Variants in PRKD1 observed in about 807,000 individuals in gnomAD.
The protein encoded by PRKD1 is serine/threonine-protein kinase D1.
PRKD1 carries 63 observed loss-of-function variants against 95.9 expected under a neutral mutation model. That is an observed-to-expected ratio of 0.66 (90% CI 0.54 to 0.81). PRKD1 has a LOEUF of 0.81. PRKD1 is among the 30% of genes least tolerant of loss of function. The probability of loss-of-function intolerance (pLI) is 0.00; values close to 1 mark genes in which losing one functional copy is unlikely to be tolerated. For synonymous variants in PRKD1, 425 were observed against 423.1 expected, an observed-to-expected ratio of 1.00 and a Z score of -0.05; for missense variants, 1,048 against 1,165.3, an observed-to-expected ratio of 0.90 and a Z score of 1.47.
chr14:29,598,067 G>C (rs1364201826), intron 15 of PRKD1, among the ~76,000 whole-genome samples: 1 of 150,904 alleles, frequency 6.6e-6, no homozygotes, highest in African/African-American at 2.5e-5. Context: ...CTTGAGGACA[G>C]GAGTTCAAGA....
chr14:29,719,827 T>A (rs1219402737), intron 2 of PRKD1, among the ~76,000 whole-genome samples: 1 of 152,184 alleles, frequency 6.6e-6, no homozygotes, highest in East Asian at 1.9e-4. Context: ...AGACAATTTG[T>A]TCCATGGTCA....
At chr14:29,593,447 T>C (rs1893198122) in intron 16 of PRKD1, among the ~76,000 whole-genome samples, 1 of 152,174 alleles carries the variant, frequency 6.6e-6, no homozygotes, top group Non-Finnish European at 1.5e-5. Flanking sequence ...TCATCATCCA[T>C]ATGGCCAGTC....
intron 4 of PRKD1, among the ~76,000 whole-genome samples, chr14:29,663,115 A>G (rs1882277927): frequency 7.0e-6 from 1 of 143,742 alleles, no homozygotes; most frequent in Non-Finnish European, 1.5e-5. Context: ...ATATATAAAA[A>G]TATATATCTT....
chr14:29,687,189 C>T (rs1883932189), intron 2 of PRKD1, among the ~76,000 whole-genome samples: 1 of 151,964 alleles, frequency 6.6e-6, no homozygotes. Context: ...TATTTGAAAA[C>T]ACTCTCTAAT....
chr14:29,698,961 C>T (rs145132789), intron 2 of PRKD1, among the ~76,000 whole-genome samples: 9 of 152,138 alleles, frequency 5.9e-5, no homozygotes, highest in South Asian at 2.1e-4. Flanking sequence ...TGCGATCCAC[C>T]GAATACAGTC....
chr14:29,684,818 T>A lies in PRKD1; in HGVS notation c.404-18610A>T, dbSNP rs533998160. ...ATATACTTGGCTTCTCCTGCAGTTATCACATCCCTGAGACTGTTAGCAAAT... is the reference window on the plus strand; with the variant it reads ...ATATACTTGGCTTCTCCTGCAGTTAACACATCCCTGAGACTGTTAGCAAAT... On this transcript the variant is annotated intron_variant, in intron 2 of 17. Transcript: ENST00000331968. Among the ~76,000 whole-genome samples, 10 of 152,330 alleles carry A rather than the reference T, an allele frequency of 6.6e-5. No individual in the cohort carries two copies. The East Asian group carries it at 1.9e-3, about 29-fold the overall frequency.
In PRKD1 at chr14:29,597,730, C is replaced by T. The variant is rs749621467; in HGVS notation, c.2195G>A (p.Arg732Gln). The change falls in exon 16 of 18, where the codon CGG (arginine) becomes CAG (glutamine). Residue 732 changes from arginine (R) to glutamine (Q), a missense_variant. Transcript: ENST00000331968. ...CCGGAAAGACTTCTCTCCAATGATC[C>T]GGGCAAAACCAAAATCACAAAGTTT... is the stretch of plus-strand genomic sequence containing the variant. ...QVKLCDFGFA[R>Q]IIGEKSFRRS... 8.1e-6 allele frequency: 13 copies of T among 1,611,658 alleles called. No homozygotes were observed. Among genetic ancestry groups the T allele is most frequent in the East Asian group, 2.2e-5 (1 of 44,850 alleles).
Position 29,638,485 on chromosome 14 carries a change from C to G in PRKD1, c.985+4G>C. 1 of 1,613,728 alleles carries G rather than the reference C, an allele frequency of 6.2e-7. No individual in the cohort carries two copies. The highest frequency in any genetic ancestry group is 8.5e-7 in the Non-Finnish European group (1 of 1,179,646). ...ACAGACATGACAGCTGATCTTTTAC[C>G]TACCTCCATTAATGGTCACTTCGCC... On this transcript the variant is annotated splice_donor_region_variant and intron_variant, in intron 6 of 17. Coordinates refer to ENST00000331968, the MANE Select transcript of PRKD1 (RefSeq NM_002742.3).
intron 1 of PRKD1, among the ~76,000 whole-genome samples, chr14:29,868,010 T>C (rs929760997): frequency 1.4e-4 from 21 of 152,186 alleles, no homozygotes; most frequent in Non-Finnish European, 2.4e-4. Flanking sequence ...TTTATAGGCT[T>C]TCCATATTCC....
At chr14:29,894,261 C>T (rs1894040945) in intron 1 of PRKD1, among the ~76,000 whole-genome samples, 1 of 152,150 alleles carries the variant, frequency 6.6e-6, no homozygotes, top group Non-Finnish European at 1.5e-5. Flanking sequence ...AGGCAACTGT[C>T]AAAGCCAGGG....
At chr14:29,904,516 A>G (rs1894428789) in intron 1 of PRKD1, among the ~76,000 whole-genome samples, 1 of 152,234 alleles carries the variant, frequency 6.6e-6, no homozygotes, top group Admixed American at 6.5e-5. Context: ...GACCCTTAGA[A>G]GAGTGTCTGG....
At chr14:29,801,761 T>C (rs758559086) in intron 1 of PRKD1, among the ~76,000 whole-genome samples, 4 of 152,138 alleles carry the variant, frequency 2.6e-5, no homozygotes, top group African/African-American at 7.2e-5. Context: ...CAATCTCGGC[T>C]CATCGCAACC....
rs1198657627 is a variant in PRKD1 at position 29,927,659 on chromosome 14, G to C, written c.-147C>G. 1 of 438,208 alleles carries C rather than the reference G, an allele frequency of 2.3e-6. No individual in the cohort carries two copies. Among genetic ancestry groups the C allele is most frequent in the East Asian group, 1.0e-4 (1 of 9,990 alleles). 27.1% of individuals were successfully genotyped at this position (438,208 alleles called of 1,614,324 possible). On this transcript the variant is annotated 5_prime_UTR_variant, in exon 1 of 18. Coordinates refer to ENST00000331968, the MANE Select transcript of PRKD1 (RefSeq NM_002742.3). Reference sequence around the variant, plus strand: ...CTTTCCGGAAAAGTCCCTGGGCTGGGGGAGGGCAAGGGGATGAGGATCGGG... The same window carrying C: ...CTTTCCGGAAAAGTCCCTGGGCTGGCGGAGGGCAAGGGGATGAGGATCGGG...
intron 2 of PRKD1, among the ~76,000 whole-genome samples, chr14:29,718,626 T>G (rs955458966): frequency 3.9e-5 from 6 of 152,158 alleles, no homozygotes; most frequent in Non-Finnish European, 7.3e-5. Context: ...ATTTTCACAT[T>G]TAGATTTTCC....
intron 2 of PRKD1, among the ~76,000 whole-genome samples, chr14:29,678,663 G>A (rs1159250530): frequency 6.6e-6 from 1 of 152,058 alleles, no homozygotes; most frequent in Non-Finnish European, 1.5e-5. Context: ...ACATATTAGG[G>A]CAAAGAGGAC....
chr14:29,586,550 T>G (rs2138971479), intron 16 of PRKD1, among the ~76,000 whole-genome samples: 1 of 152,272 alleles, frequency 6.6e-6, no homozygotes, highest in South Asian at 2.1e-4. Flanking sequence ...ATCGTATTTC[T>G]TATCCCCAAA....
At chr14:29,783,253 T>C (rs1889127915) in intron 1 of PRKD1, among the ~76,000 whole-genome samples, 1 of 152,178 alleles carries the variant, frequency 6.6e-6, no homozygotes, top group African/African-American at 2.4e-5. Flanking sequence ...CATGGAGTAC[T>C]TGTCTTTCTG....
rs761182562 is a variant in PRKD1 at position 29,927,257 on chromosome 14, C to T, written c.256G>A (p.Asp86Asn). 6 of 1,507,122 alleles carry T rather than the reference C, an allele frequency of 4.0e-6. No homozygotes were observed. The South Asian group carries it at 5.0e-5, about 13-fold the overall frequency. The allele number at this position is 1,507,122 out of a possible 1,614,324, so 93.4% of individuals were successfully genotyped here. ...HVREMACSIV[D>N]QKFPECGFYG... ...GCGGTGCGGCGACTTACCTTCTGGT[C>T]GACAATGGAGCAAGCCATCTCGCGG... The change falls in exon 1 of 18, where the codon GAC becomes AAC. Residue 86 changes from aspartate (D) to asparagine (N), a missense_variant. By Grantham distance (23) the Asp-to-Asn change is conservative. Around this residue, in one of 3 missense-constraint regions of PRKD1, gnomAD observed 275 missense variants for 248.6 expected, o/e 1.11. Transcript: ENST00000331968.
At chr14:29,635,682 A>T (rs1268378126) in intron 7 of PRKD1, among the ~76,000 whole-genome samples, 1 of 152,204 alleles carries the variant, frequency 6.6e-6, no homozygotes, top group African/African-American at 2.4e-5. Flanking sequence ...ATAGTGCAAA[A>T]GCAGCCACAG....
Sources: allele counts gnomAD v4.1 joint callset (sites outside exome capture counted in the v4.1 genomes callset), GRCh38; gene constraint gnomAD v4.1.1; regional missense constraint gnomAD v4.1.1; transcripts MANE v1.5; gene names NCBI Gene and HGNC (gene_info 2026-07-23, HGNC 2026-07-21).